Variants in UBE2O observed in about 807,000 individuals in gnomAD.
UBE2O encodes the protein ubiquitin conjugating enzyme E2 O.
A neutral mutation model predicts 125.8 loss-of-function variants in UBE2O; 15 were observed. The ratio of observed to expected loss-of-function variants is 0.12; its 90% CI spans 0.08 to 0.18. The LOEUF is 0.18. UBE2O is among the 10% of genes least tolerant of loss of function. The probability of loss-of-function intolerance (pLI) is 1.00; values close to 1 mark genes in which losing one functional copy is unlikely to be tolerated. For synonymous variants in UBE2O, 708 were observed against 703.2 expected (o/e 1.01, Z -0.11); for missense variants, 1,280 against 1,723.6 (o/e 0.74, Z 4.56).
intron 1 of UBE2O, among the ~76,000 whole-genome samples, chr17:76,446,728 T>C (rs1374514867): frequency 2.6e-5 from 4 of 152,232 alleles, no homozygotes; most frequent in Non-Finnish European, 4.4e-5. Context: ...TGACCACTTC[T>C]GAGGCAACAC....
rs1294677252 is a variant in UBE2O at position 76,402,501 on chromosome 17, A to G, written c.686+101T>C. On this transcript the variant is annotated intron_variant, in intron 4 of 17. Transcript: ENST00000319380. The surrounding 1 kb of genome is among the most constrained non-coding windows in gnomAD (Gnocchi z 5.4). ...CAACATCTGTCACTGCCCTTGATCA[A>G]ACCTGTCATCACTGTCCCCAGGAGG... is the stretch of plus-strand genomic sequence containing the variant. 2 of 1,032,898 alleles carry G rather than the reference A, an allele frequency of 1.9e-6. No individual in the cohort carries two copies. The highest frequency in any genetic ancestry group is 4.7e-5 in the East Asian group (2 of 42,250). 64.0% of individuals were successfully genotyped at this position (1,032,898 alleles called of 1,614,324 possible).
At chr17:76,440,330 T>C (rs966413631) in intron 1 of UBE2O, among the ~76,000 whole-genome samples, 1 of 152,228 alleles carries the variant, frequency 6.6e-6, no homozygotes, top group East Asian at 1.9e-4. Flanking sequence ...ATCTCTTTGT[T>C]TTTTTTACTT....
chr17:76,450,047 A>AC (rs932150842), intron 1 of UBE2O, among the ~76,000 whole-genome samples: 4 of 151,426 alleles, frequency 2.6e-5, no homozygotes, highest in African/African-American at 9.7e-5. Context: ...TAACAGTGAG[A>AC]CCCCATCCCA....
rs780995965 is a variant in UBE2O at position 76,391,146 on chromosome 17, C to T, written c.3676G>A (p.Ala1226Thr). 9 of 1,613,650 alleles carry T rather than the reference C, an allele frequency of 5.6e-6. No individual in the cohort carries two copies. The highest frequency in any genetic ancestry group is 1.1e-5 in the South Asian group (1 of 91,012). The change falls in exon 18 of 18, where the codon GCA becomes ACA. Residue 1226 changes from alanine to threonine, a missense_variant. Transcript: ENST00000319380. The surrounding 1 kb of genome is among the most constrained non-coding windows in gnomAD (Gnocchi z 8.4). ...GGTTTCACACTGGGTGGCACCGATGCGTCTGGTGCGGTCTCCGAAGTCTGG... is the reference window on the plus strand; with the variant it reads ...GGTTTCACACTGGGTGGCACCGATGTGTCTGGTGCGGTCTCCGAAGTCTGG... ...TDQTSETAPDASVPPSVKPKK... is the reference protein window; with the variant it reads ...TDQTSETAPDTSVPPSVKPKK...
intron 1 of UBE2O, among the ~76,000 whole-genome samples, chr17:76,437,312 T>TGGTGGCGGGCAC (rs1318010088): frequency 3.3e-5 from 5 of 151,706 alleles, no homozygotes; most frequent in African/African-American, 1.2e-4. Context: ...TAGCCGGGCG[T>TGGTGGCGGGCAC]GGTGGCGGGC....
rs1215813781 is a variant in UBE2O, at chr17:76,397,835, C to T, written c.2079G>A (p.Val693=). 5 of 1,614,084 alleles carry T rather than the reference C, an allele frequency of 3.1e-6. No homozygotes were observed. The Admixed American group carries it at 5.0e-5, about 16-fold the overall frequency. ...RVDVSSKVEV[V]WADNSKTIIL... ...TGATGGTCTTTGAGTTGTCAGCCCA[C>T]ACCACCTCCACCTTGCTGCTGACGT... Residue 693 remains valine (V), a synonymous_variant, in exon 13 of 18, where the codon GTG becomes GTA. Coordinates refer to ENST00000319380, the MANE Select transcript of UBE2O (RefSeq NM_022066.4).
chr17:76,443,639 G>C (rs1271608559), intron 1 of UBE2O, among the ~76,000 whole-genome samples: 1 of 151,846 alleles, frequency 6.6e-6, no homozygotes, highest in African/African-American at 2.4e-5. Flanking sequence ...GGGAAGGGCA[G>C]TCACAATCAC....
intron 1 of UBE2O, among the ~76,000 whole-genome samples, chr17:76,440,738 G>A (rs753865817): frequency 6.6e-6 from 1 of 152,190 alleles, no homozygotes; most frequent in Admixed American, 6.5e-5. Context: ...CCTACTGCCT[G>A]TTTCTTAAAA....
chr17:76,399,738 C>T lies in UBE2O; in HGVS notation c.1339G>A (p.Asp447Asn). ...TCGTGGGGCTCCTCTGCACCCTCGT[C>T]CTGCATCTCCACTGGACTGGCAGAG... ...DGSASPVEMQ[D>N]EGAEEPHEAG... The change falls in exon 9 of 18, where the codon GAC becomes AAC. Residue 447 changes from aspartate (D) to asparagine (N), a missense_variant. By Grantham distance (23) the Asp-to-Asn change is conservative. This residue lies in a region of UBE2O where 141 missense variants were observed against 141.3 expected (regional missense o/e 1.00). Coordinates refer to ENST00000319380, the MANE Select transcript of UBE2O (RefSeq NM_022066.4). The surrounding 1 kb of genome is among the most constrained non-coding windows in gnomAD (Gnocchi z 6.9). 6.2e-7 allele frequency: 1 copy of T among 1,614,212 alleles called. No homozygotes were observed. Among genetic ancestry groups the T allele is most frequent in the Non-Finnish European group, 8.5e-7 (1 of 1,180,034 alleles).
Position 76,400,659 on chromosome 17 carries a change from A to G in UBE2O, c.895-109T>C. 1.4e-6 allele frequency: 1 copy of G among 725,032 alleles called. No homozygotes were observed. Among genetic ancestry groups the G allele is most frequent in the Non-Finnish European group, 2.3e-6 (1 of 439,204 alleles). The allele number at this position is 725,032 out of a possible 1,614,324, so 44.9% of individuals were successfully genotyped here. A position where few individuals can be genotyped will look rare whatever the true frequency, so the allele number is the denominator to read the frequency against. ...TCCAGAGCAGGAAACTGATCTTCCTAGTGCAGCACCAAGTACAGACACATC... is the reference window on the plus strand; with the variant it reads ...TCCAGAGCAGGAAACTGATCTTCCTGGTGCAGCACCAAGTACAGACACATC... On this transcript the variant is annotated intron_variant, in intron 6 of 17. Transcript: ENST00000319380. The surrounding 1 kb of genome is among the most constrained non-coding windows in gnomAD (Gnocchi z 4.3).
At chr17:76,437,948 G>A (rs1349186101) in intron 1 of UBE2O, among the ~76,000 whole-genome samples, 1 of 152,176 alleles carries the variant, frequency 6.6e-6, no homozygotes, top group African/African-American at 2.4e-5. Flanking sequence ...TCGAAGGGAG[G>A]TGTCTCTCGT....
At chr17:76,403,813 A>G (rs142482394) in intron 3 of UBE2O, among the ~76,000 whole-genome samples, 36 of 152,284 alleles carry the variant, frequency 2.4e-4, no homozygotes, top group African/African-American at 6.3e-4. Context: ...TGAGCCTGGC[A>G]CATCTCATGC....
rs567202358 is a variant in UBE2O, at chr17:76,416,616, G to A, written c.418-11044C>T. ...CCTGAGCCCACACCAACCTCCCCGC[G>A]CTTCTCAAACACCTGCAGTTACTAT... On this transcript the variant is annotated intron_variant, in intron 1 of 17. Coordinates refer to ENST00000319380, the MANE Select transcript of UBE2O (RefSeq NM_022066.4). Among the ~76,000 whole-genome samples, 20 of 152,280 alleles carry A rather than the reference G, an allele frequency of 1.3e-4. No homozygotes were observed. The South Asian group carries it at 2.3e-3, about 17-fold the overall frequency.
chr17:76,390,474 CT>C lies in UBE2O; in HGVS notation c.*468del, dbSNP rs1250197722. 1 of 156,400 alleles carries C rather than the reference CT, an allele frequency of 6.4e-6. No homozygotes were observed. The highest frequency in any genetic ancestry group is 1.4e-5 in the Non-Finnish European group (1 of 71,046). The allele number at this position is 156,400 out of a possible 1,614,324, so 9.7% of individuals were successfully genotyped here. ...TGGGTGGTGGTGGCAGCAGGAGGGT[CT>C]GGGACACAGGGAGGCTTGAGTTGAA... On this transcript the variant is annotated 3_prime_UTR_variant, in exon 18 of 18. Transcript: ENST00000319380.
In UBE2O at chr17:76,400,876, C is replaced by T; in HGVS notation, c.894+135G>A. On this transcript the variant is annotated intron_variant, in intron 6 of 17. Coordinates refer to ENST00000319380, the MANE Select transcript of UBE2O (RefSeq NM_022066.4). The surrounding 1 kb of genome is among the most constrained non-coding windows in gnomAD (Gnocchi z 4.3). The stretch of plus-strand genomic sequence containing the variant: ...GCCTGGGTTCCCTTTATCCCCAAAG[C>T]CCTTTGAGATCAACAGGGTCCAGAT... The T allele has an allele frequency of 9.0e-7, 1 of 1,105,862 alleles. No individual in the cohort carries two copies. The highest frequency in any genetic ancestry group is 1.3e-6 in the Non-Finnish European group (1 of 789,462). The allele number at this position is 1,105,862 out of a possible 1,614,324, so 68.5% of individuals were successfully genotyped here.
chr17:76,399,936 CAGAGAGG>C lies in UBE2O; in HGVS notation c.1156-22_1156-16del. The C allele has an allele frequency of 6.3e-7, 1 of 1,586,728 alleles. No homozygotes were observed. Among genetic ancestry groups the C allele is most frequent in the Non-Finnish European group, 8.6e-7 (1 of 1,166,716 alleles). ...AGGCGCTTCACCTGCAAGGGCGGAG[CAGAGAGG>C]ACAGGGCTGTGAGGTGCACCTGGGC... On this transcript the variant is annotated splice_polypyrimidine_tract_variant and intron_variant, in intron 8 of 17. Transcript: ENST00000319380. The surrounding 1 kb of genome is among the most constrained non-coding windows in gnomAD (Gnocchi z 6.9).
chr17:76,408,062 C>T (rs1430077283), intron 1 of UBE2O, among the ~76,000 whole-genome samples: 3 of 152,120 alleles, frequency 2.0e-5, no homozygotes, highest in Non-Finnish European at 4.4e-5. Flanking sequence ...ACTTTCCTTC[C>T]TAACTTCCTA....
chr17:76,407,004 C>CA, intron 1 of UBE2O, among the ~76,000 whole-genome samples: 1 of 152,130 alleles, frequency 6.6e-6, no homozygotes, highest in East Asian at 1.9e-4. Flanking sequence ...AGGTATGAGC[C>CA]TGTTTCAAAT....
At chr17:76,417,470 A>G (rs2072634778) in intron 1 of UBE2O, among the ~76,000 whole-genome samples, 1 of 152,238 alleles carries the variant, frequency 6.6e-6, no homozygotes, top group Non-Finnish European at 1.5e-5. Flanking sequence ...ACACCAGGAG[A>G]GCTATCTGAA....
Sources: gnomAD v4.1 joint callset for allele counts (sites outside exome capture counted in the v4.1 genomes callset) on GRCh38, gnomAD v4.1.1 for gene constraint, gnomAD v4.1.1 regional missense constraint, Gnocchi (gnomAD v3.1) non-coding constraint, MANE v1.5 for transcripts, NCBI Gene and HGNC (gene_info 2026-07-23, HGNC 2026-07-21) for gene names.